Variants in MAGI1 observed in about 807,000 individuals in gnomAD.
MAGI1 encodes the protein membrane associated guanylate kinase, WW and PDZ domain containing 1.
Under a neutral mutation model 139.9 loss-of-function variants are expected in MAGI1, and 58 were observed. That is an observed-to-expected ratio of 0.41 (90% CI 0.34 to 0.52). The LOEUF is 0.52. Ranked by LOEUF, MAGI1 falls within the 20% of genes least tolerant of loss-of-function variation. MAGI1 has a pLI of 0.12. For missense variants in MAGI1, 1,874 were observed against 1,901.6 expected (o/e 0.99, Z 0.27); for synonymous variants, 812 against 737.9 (o/e 1.10, Z -1.63).
intron 2 of MAGI1, chr3:65,499,017 T>C (rs1450555797): frequency 5.1e-6 from 5 of 982,906 alleles, no homozygotes; most frequent in Admixed American, 6.2e-5. Context: ...CATACTTACC[T>C]GAAACAGCAT....
intron 5 of MAGI1, among the ~76,000 whole-genome samples, chr3:65,456,169 G>C (rs191481092): frequency 2.6e-5 from 4 of 152,304 alleles, no homozygotes; most frequent in African/African-American, 9.6e-5. Context: ...CCATCACTTA[G>C]TGTTGTCACT....
intron 5 of MAGI1, among the ~76,000 whole-genome samples, chr3:65,468,808 C>A (rs1950349039): frequency 6.6e-6 from 1 of 151,876 alleles, no homozygotes; most frequent in African/African-American, 2.4e-5. Context: ...TGGTGACTCA[C>A]ACCTGTAATC....
chr3:65,409,023 C>T (rs1945571509), intron 12 of MAGI1, among the ~76,000 whole-genome samples: 1 of 152,172 alleles, frequency 6.6e-6, no homozygotes. Context: ...GCCGGGGATG[C>T]ACAACTACTT....
chr3:65,512,580 C>T (rs1222021235), intron 2 of MAGI1, among the ~76,000 whole-genome samples: 1 of 152,174 alleles, frequency 6.6e-6, no homozygotes, highest in Non-Finnish European at 1.5e-5. Context: ...TTCCTCAACA[C>T]ATACACTCTC....
intron 2 of MAGI1, among the ~76,000 whole-genome samples, chr3:65,508,374 T>A (rs1233719775): frequency 1.3e-5 from 2 of 151,812 alleles, no homozygotes; most frequent in South Asian, 2.1e-4. Flanking sequence ...ACTGCACTCC[T>A]GCCTGGGTGA....
chr3:65,679,121 G>A (rs1376277750), intron 1 of MAGI1, among the ~76,000 whole-genome samples: 1 of 152,056 alleles, frequency 6.6e-6, no homozygotes, highest in African/African-American at 2.4e-5. Context: ...CAATTCTGCA[G>A]TGAAGGTTTT....
Position 65,922,785 on chromosome 3 carries a change from A to G in MAGI1, c.313+115211T>C, listed in dbSNP as rs964013406. ...GAAAATTGGTGTACAGAAAGGAGAG[A>G]CAGTAATAAGAACCAGCCAGTTGGA... On this transcript the variant is annotated intron_variant, in intron 1 of 22. Coordinates refer to ENST00000402939, the MANE Select transcript of MAGI1 (RefSeq NM_001033057.2). 7.9e-5 allele frequency among the ~76,000 whole-genome samples: 12 copies of G among 152,260 alleles called. No individual in the cohort carries two copies. In the South Asian group the frequency reaches 8.3e-4, roughly 11 times the overall value.
At chr3:65,440,161 G>A (rs1948176018) in intron 8 of MAGI1, 149 bp from the exon 9 acceptor site, 3 of 894,678 alleles carry the variant, frequency 3.4e-6, no homozygotes, top group Admixed American at 2.4e-5. Flanking sequence ...TTAGAAAGAG[G>A]AAATAAAAAT....
At chr3:65,802,514 T>C (rs192963473) in intron 1 of MAGI1, among the ~76,000 whole-genome samples, 1 of 152,330 alleles carries the variant, frequency 6.6e-6, no homozygotes, top group Non-Finnish European at 1.5e-5. Flanking sequence ...TTAGAATTAC[T>C]TCAAGGCCCT....
chr3:65,912,423 G>A (rs2061710185), intron 1 of MAGI1, among the ~76,000 whole-genome samples: 1 of 152,100 alleles, frequency 6.6e-6, no homozygotes, highest in Admixed American at 6.6e-5. Context: ...ATTCACACAT[G>A]GATCATTACG....
chr3:65,499,606 G>A (rs1229761967), intron 2 of MAGI1, among the ~76,000 whole-genome samples: 1 of 151,920 alleles, frequency 6.6e-6, no homozygotes, highest in Admixed American at 6.6e-5. Flanking sequence ...CTGGGCGACA[G>A]ACTGAGACTC....
intron 1 of MAGI1, among the ~76,000 whole-genome samples, chr3:65,877,814 A>G (rs2060173755): frequency 6.6e-6 from 1 of 152,200 alleles, no homozygotes; most frequent in South Asian, 2.1e-4. Context: ...CCATAACAAA[A>G]CAGGAACATG....
chr3:65,931,200 T>C (rs2062791254), intron 1 of MAGI1, among the ~76,000 whole-genome samples: 1 of 151,982 alleles, frequency 6.6e-6, no homozygotes. Flanking sequence ...GCCCAGCTGA[T>C]TGTTTATATT....
At chr3:65,557,073 C>T (rs1037648219) in intron 2 of MAGI1, among the ~76,000 whole-genome samples, 3 of 152,188 alleles carry the variant, frequency 2.0e-5, no homozygotes, top group Non-Finnish European at 2.9e-5. Context: ...TCCCCAGACT[C>T]GGTATGTTGT....
At chr3:65,609,246 T>C (rs1428861227) in intron 2 of MAGI1, among the ~76,000 whole-genome samples, 2 of 152,052 alleles carry the variant, frequency 1.3e-5, no homozygotes, top group East Asian at 3.9e-4. Context: ...TAACTTGCTA[T>C]ATTTATTTCA....
At chr3:65,917,364 T>C (rs1323389405) in intron 1 of MAGI1, among the ~76,000 whole-genome samples, 1 of 152,234 alleles carries the variant, frequency 6.6e-6, no homozygotes. Context: ...TGCAAAATTA[T>C]ATTGCCACTT....
At chr3:65,574,127 T>A (rs1358405716) in intron 2 of MAGI1, among the ~76,000 whole-genome samples, 1 of 152,024 alleles carries the variant, frequency 6.6e-6, no homozygotes, top group African/African-American at 2.4e-5. Context: ...TATAAAAATC[T>A]ATTATATTTC....
chr3:65,359,898 A>G, intron 22 of MAGI1: 1 of 985,448 alleles, frequency 1.0e-6, no homozygotes, highest in Non-Finnish European at 1.2e-6. Flanking sequence ...CATAGGGAAG[A>G]CAGAAAAGGG....
intron 1 of MAGI1, among the ~76,000 whole-genome samples, chr3:66,018,814 C>T (rs982159363): frequency 1.3e-5 from 2 of 152,220 alleles, no homozygotes; most frequent in African/African-American, 4.8e-5. Flanking sequence ...CAAGTCATTG[C>T]TTGTCAAGTT....
Sources: allele counts gnomAD v4.1 joint callset (sites outside exome capture counted in the v4.1 genomes callset), GRCh38; gene constraint gnomAD v4.1.1; transcripts MANE v1.5; gene names NCBI Gene and HGNC (gene_info 2026-07-23, HGNC 2026-07-21).